The following CNMD variants were observed in gnomAD, a reference collection of about 807,000 sequenced individuals.
The protein encoded by CNMD is chondromodulin.
CNMD carries 30 observed loss-of-function variants against 37.5 expected under a neutral mutation model. That is an observed-to-expected ratio of 0.80 (90% CI 0.60 to 1.09). The LOEUF (loss-of-function observed/expected upper bound fraction) is 1.09. CNMD is among the 50% of genes least tolerant of loss of function. The pLI, the probability that CNMD is intolerant of heterozygous loss-of-function variation, is 0.00. For missense variants in CNMD, 398 were observed against 423.9 expected (o/e 0.94, Z 0.54); for synonymous variants, 167 against 148.2 (o/e 1.13, Z -0.92).
chr13:52,734,600 A>G (rs988919044), intron 2 of CNMD, among the ~76,000 whole-genome samples: 5 of 151,670 alleles, frequency 3.3e-5, no homozygotes, highest in African/African-American at 1.2e-4. Context: ...ATGCATAGGT[A>G]TATCTATATA....
intron 3 of CNMD, among the ~76,000 whole-genome samples, chr13:52,728,231 C>G (rs943274007): frequency 2.6e-5 from 4 of 151,952 alleles, no homozygotes; most frequent in Non-Finnish European, 4.4e-5. Context: ...ACTAAAAATA[C>G]AAAAATTAGT....
Position 52,739,310 on chromosome 13 carries a change from G to T in CNMD, c.73-139C>A. 1 of 1,032,154 alleles carries T rather than the reference G, an allele frequency of 9.7e-7. No homozygotes were observed. The highest frequency in any genetic ancestry group is 1.3e-6 in the Non-Finnish European group (1 of 746,434). The allele number at this position is 1,032,154 out of a possible 1,614,324, so 63.9% of individuals were successfully genotyped here. A position where few individuals can be genotyped will look rare whatever the true frequency, so the allele number is the denominator to read the frequency against. On this transcript the variant is annotated intron_variant, in intron 1 of 6. Transcript: ENST00000377962. The surrounding 1 kb of genome is among the most constrained non-coding windows in gnomAD (Gnocchi z 5.4). The stretch of plus-strand genomic sequence containing the variant: ...ACAGCTCGCCCGGGCTCCTACGGGT[G>T]CCCCTTTCGCCGCGCTCCCTCCCGA...
At chr13:52,716,212 ATTTG>A (rs1274383457) in intron 4 of CNMD, among the ~76,000 whole-genome samples, 2 of 152,056 alleles carry the variant, frequency 1.3e-5, no homozygotes, top group Non-Finnish European at 2.9e-5. Context: ...TTTCTTGTGA[ATTTG>A]TTTAAGTTCC....
chr13:52,724,022 G>A lies in CNMD; in HGVS notation c.443C>T (p.Thr148Ile), dbSNP rs751540122. The part of the protein sequence containing the change: ...KARIPEVGAV[T>I]KQSISSKLEG... ...CAGTTTGGAGGAGATGCTCTGTTTG[G>A]TCACGGCGCCCACCTCAGGAATACG... The change falls in exon 4 of 7, where the codon ACC (threonine) becomes ATC (isoleucine). Residue 148 changes from threonine to isoleucine, a missense_variant. Transcript: ENST00000377962. The A allele has an allele frequency of 3.1e-6, 5 of 1,613,310 alleles. No homozygotes were observed. Among genetic ancestry groups the A allele is most frequent in the Non-Finnish European group, 4.2e-6 (5 of 1,179,370 alleles).
chr13:52,715,468 A>T (rs957698381), intron 4 of CNMD, among the ~76,000 whole-genome samples: 1 of 152,142 alleles, frequency 6.6e-6, no homozygotes, highest in Non-Finnish European at 1.5e-5. Context: ...CGTCATCTAC[A>T]TTAGATATTT....
intron 6 of CNMD, among the ~76,000 whole-genome samples, chr13:52,705,040 A>C (rs1964151642): frequency 7.0e-6 from 1 of 143,736 alleles, no homozygotes; most frequent in South Asian, 2.3e-4. Context: ...CCTGGGTAAC[A>C]AGAGTGAAAC....
intron 4 of CNMD, among the ~76,000 whole-genome samples, chr13:52,715,296 C>T (rs1215672307): frequency 6.6e-6 from 1 of 152,186 alleles, no homozygotes; most frequent in Non-Finnish European, 1.5e-5. Context: ...TCCCCCAAAC[C>T]GTTCCAGCCT....
rs1366671298 is a variant in CNMD at position 52,712,757 on chromosome 13, C to A, written c.581G>T (p.Gly194Val). ...TTTAAGCCAGAAAATAGGAAGGTCA[C>A]CGCAGAGTTCTAACACCTTAGAACT... ...FLSSKVLELC[G>V]DLPIFWLKPT... The change falls in exon 5 of 7, where the codon GGT becomes GTT. Residue 194 changes from glycine to valine, a missense_variant. Transcript: ENST00000377962. 7 of 1,556,226 alleles carry A rather than the reference C, an allele frequency of 4.5e-6. No homozygotes were observed. Among genetic ancestry groups the A allele is most frequent in the Non-Finnish European group, 6.1e-6 (7 of 1,151,078 alleles).
At chr13:52,734,260 A>C (rs1186752565) in intron 2 of CNMD, among the ~76,000 whole-genome samples, 1 of 152,086 alleles carries the variant, frequency 6.6e-6, no homozygotes, top group Non-Finnish European at 1.5e-5. Flanking sequence ...AACTGTTGGG[A>C]TCTCCCGGGC....
chr13:52,709,439 A>G (rs532022191), intron 5 of CNMD, among the ~76,000 whole-genome samples: 1 of 152,366 alleles, frequency 6.6e-6, no homozygotes, highest in African/African-American at 2.4e-5. Context: ...TGGATTGACT[A>G]TATCAGTATA....
At chr13:52,729,108 C>T (rs965432864) in intron 3 of CNMD, among the ~76,000 whole-genome samples, 2 of 152,158 alleles carry the variant, frequency 1.3e-5, no homozygotes, top group African/African-American at 2.4e-5. Context: ...CTTGGCTGCA[C>T]ATTTTTTTCT....
intron 3 of CNMD, among the ~76,000 whole-genome samples, chr13:52,727,342 C>T (rs1291709587): frequency 6.6e-6 from 1 of 151,864 alleles, no homozygotes; most frequent in Non-Finnish European, 1.5e-5. Flanking sequence ...TTTGAAATAA[C>T]CCAGTCAGAC....
At chr13:52,737,084 T>G (rs1594292737) in intron 2 of CNMD, among the ~76,000 whole-genome samples, 1 of 152,170 alleles carries the variant, frequency 6.6e-6, no homozygotes, top group Admixed American at 6.5e-5. Flanking sequence ...TATAAACCAA[T>G]ATAGAGGAGC....
intron 3 of CNMD, among the ~76,000 whole-genome samples, chr13:52,724,777 A>G (rs1480207132): frequency 1.4e-5 from 2 of 147,812 alleles, no homozygotes; most frequent in African/African-American, 2.5e-5. Flanking sequence ...GGCTCCTGTA[A>G]TCCCAGCTAC....
At chr13:52,710,009 GTGTCTCTCT>G (rs1964266394) in intron 5 of CNMD, among the ~76,000 whole-genome samples, 1 of 152,036 alleles carries the variant, frequency 6.6e-6, no homozygotes, top group Admixed American at 6.5e-5. Flanking sequence ...TTGGATTTTG[GTGTCTCTCT>G]GAGCCCGTTT....
In CNMD at chr13:52,739,137, G is replaced by C. The variant is rs1294616302; in HGVS notation, c.107C>G (p.Pro36Arg). The change falls in exon 2 of 7, where the codon CCC becomes CGC. Residue 36 changes from proline (P) to arginine (R), a missense_variant. Transcript: ENST00000377962. This position sits in a 1 kb window ranked among gnomAD's most constrained non-coding sequence, Gnocchi z 5.4. ...GGCTCCCACCTTGAGCAGCCGCGCG[G>C]GGCTGGAGGGCTTCACCGTCAGCGT... ...YATLTVKPSS[P>R]ARLLKVGAVV... The C allele has an allele frequency of 1.3e-6, 2 of 1,538,882 alleles. No homozygotes were observed. Among genetic ancestry groups the C allele is most frequent in the African/African-American group, 2.9e-5 (2 of 68,898 alleles).
intron 4 of CNMD, among the ~76,000 whole-genome samples, chr13:52,723,423 A>G (rs1964515591): frequency 1.3e-5 from 2 of 152,168 alleles, no homozygotes; most frequent in African/African-American, 4.8e-5. Context: ...CAGATCAGAT[A>G]GTTCCCTAAC....
chr13:52,703,402 C>A lies in CNMD; in HGVS notation c.*193G>T, dbSNP rs2138208084. On this transcript the variant is annotated 3_prime_UTR_variant, in exon 7 of 7. Coordinates refer to ENST00000377962, the MANE Select transcript of CNMD (RefSeq NM_007015.3). ...TTATGGCATTTTAGACTTGAACTACCCTTTCAGTACATTTGCATATACTAA... is the reference window on the plus strand; with the variant it reads ...TTATGGCATTTTAGACTTGAACTACACTTTCAGTACATTTGCATATACTAA... The A allele has an allele frequency of 4.1e-6, 2 of 488,768 alleles. No individual in the cohort carries two copies. Among genetic ancestry groups the A allele is most frequent in the African/African-American group, 3.8e-5 (2 of 52,280 alleles). The allele number at this position is 488,768 out of a possible 1,614,324, so 30.3% of individuals were successfully genotyped here.
intron 6 of CNMD, among the ~76,000 whole-genome samples, chr13:52,704,561 C>G (rs781624733): frequency 6.6e-6 from 1 of 152,080 alleles, no homozygotes; most frequent in Non-Finnish European, 1.5e-5. Flanking sequence ...CAACCCTGCC[C>G]GGTTTACATA....
Sources: allele counts gnomAD v4.1 joint callset (sites outside exome capture counted in the v4.1 genomes callset), GRCh38; gene constraint gnomAD v4.1.1; non-coding constraint Gnocchi (gnomAD v3.1); transcripts MANE v1.5; gene names NCBI Gene and HGNC (gene_info 2026-07-23, HGNC 2026-07-21).